The following CD244 variants were observed in gnomAD, a reference collection of about 807,000 sequenced individuals.
CD244 encodes natural killer cell receptor 2B4.
Under a neutral mutation model 45.5 loss-of-function variants are expected in CD244, and 20 were observed. The observed-to-expected ratio is 0.44, with a 90% CI of 0.31 to 0.64. CD244 has a LOEUF of 0.64. Among genes scored for constraint, CD244 ranks in the 30% least tolerant of loss-of-function variants. The pLI, the probability that CD244 is intolerant of heterozygous loss-of-function variation, is 0.08. For synonymous variants in CD244, 185 were observed against 160.5 expected, an observed-to-expected ratio of 1.15 and a Z score of -1.15; for missense variants, 407 against 426.9, an observed-to-expected ratio of 0.95 and a Z score of 0.41.
intron 1 of CD244, among the ~76,000 whole-genome samples, chr1:160,844,498 T>A (rs938094248): frequency 6.6e-6 from 1 of 152,346 alleles, no homozygotes; most frequent in South Asian, 2.1e-4. Context: ...GTCTTCATGA[T>A]GAAACGCAGC....
chr1:160,837,904 C>T (rs937981127), intron 5 of CD244, among the ~76,000 whole-genome samples: 8 of 152,212 alleles, frequency 5.3e-5, no homozygotes, highest in African/African-American at 9.6e-5. Context: ...GAAGAGCAGG[C>T]GAGAGGCTCC....
chr1:160,838,728 A>G, intron 4 of CD244: 1 of 616,962 alleles, frequency 1.6e-6, no homozygotes. Context: ...AGCTGTCTAC[A>G]GGGAAATCTG....
chr1:160,861,442 A>G (rs1309365520), intron 1 of CD244, among the ~76,000 whole-genome samples: 1 of 152,076 alleles, frequency 6.6e-6, no homozygotes, highest in African/African-American at 2.4e-5. Context: ...ACACAACACT[A>G]TGCCTCAGTT....
chr1:160,852,309 G>C (rs932124365), intron 1 of CD244, among the ~76,000 whole-genome samples: 15 of 152,250 alleles, frequency 9.9e-5, no homozygotes, highest in African/African-American at 3.4e-4. Context: ...CAGCACTTTG[G>C]GAGGCCGAGG....
Position 160,831,259 on chromosome 1 carries a change from T to C in CD244, c.*88A>G. ...CATATCCTCTCCAGACTAGGAACTGTTCTATAGAGACTCCTGTGCCGTCAT... is the reference window on the plus strand; with the variant it reads ...CATATCCTCTCCAGACTAGGAACTGCTCTATAGAGACTCCTGTGCCGTCAT... On this transcript the variant is annotated 3_prime_UTR_variant, in exon 9 of 9. Coordinates refer to ENST00000368034, the MANE Select transcript of CD244 (RefSeq NM_016382.4). 1.1e-6 allele frequency: 1 copy of C among 944,846 alleles called. No individual in the cohort carries two copies. The highest frequency in any genetic ancestry group is 1.7e-6 in the Non-Finnish European group (1 of 581,014). 58.5% of individuals were successfully genotyped at this position (944,846 alleles called of 1,614,324 possible).
intron 1 of CD244, among the ~76,000 whole-genome samples, chr1:160,844,547 A>G (rs141204272): frequency 0.01 from 1,581 of 152,300 alleles, 31 homozygotes; most frequent in Non-Finnish European, 0.013. Context: ...TAGATCTGAA[A>G]AGGCATTGCA....
rs1290913163 is a variant in CD244 at position 160,838,507 on chromosome 1, T to C, written c.778A>G (p.Lys260Glu). 1.9e-6 allele frequency: 3 copies of C among 1,612,868 alleles called. No individual in the cohort carries two copies. Among genetic ancestry groups the C allele is most frequent in the Admixed American group, 1.7e-5 (1 of 60,008 alleles). ...RKEKQSETSP[K>E]EFLTIYEDVK... ...TCTTCGTAAATTGTCAAAAATTCCTTGGGACTGGTCTCTGAGGGAGGAAGA... is the reference window on the plus strand; with the variant it reads ...TCTTCGTAAATTGTCAAAAATTCCTCGGGACTGGTCTCTGAGGGAGGAAGA... The change falls in exon 5 of 9, where the codon AAG (lysine) becomes GAG (glutamate). Residue 260 changes from lysine to glutamate, a missense_variant. Coordinates refer to ENST00000368034, the MANE Select transcript of CD244 (RefSeq NM_016382.4).
intron 1 of CD244, chr1:160,848,435 G>C (rs538867012): frequency 2.0e-5 from 11 of 550,506 alleles, no homozygotes; most frequent in Admixed American, 3.8e-5. Flanking sequence ...AGACAGCATG[G>C]AGCCCTTTGG....
At chr1:160,858,469 G>T (rs1314469022) in intron 1 of CD244, among the ~76,000 whole-genome samples, 2 of 152,172 alleles carry the variant, frequency 1.3e-5, no homozygotes, top group Non-Finnish European at 2.9e-5. Flanking sequence ...CCTCCAGCCT[G>T]TGTGTCCTTT....
chr1:160,854,836 T>TAA (rs1670051130), intron 1 of CD244, among the ~76,000 whole-genome samples: 1 of 152,182 alleles, frequency 6.6e-6, no homozygotes, highest in African/African-American at 2.4e-5. Flanking sequence ...TGTCTGCAAA[T>TAA]AAAAAGGAGC....
chr1:160,839,249 A>G (rs1185477571), intron 3 of CD244, 200 bp from the exon 4 acceptor site: 8 of 511,826 alleles, frequency 1.6e-5, no homozygotes, highest in South Asian at 2.5e-5. Flanking sequence ...GAGCATAGAT[A>G]TATCAGACAG....
intron 4 of CD244, 97 bp from the exon 5 acceptor site, chr1:160,838,615 TAAAA>T: frequency 1.1e-6 from 1 of 869,750 alleles, no homozygotes; most frequent in Non-Finnish European, 2.0e-6. Context: ...GGCCAAACCT[TAAAA>T]AAGGTTCTAG....
At chr1:160,839,666 C>A (rs55709726) in intron 3 of CD244, among the ~76,000 whole-genome samples, 9,709 of 152,250 alleles carry the variant, frequency 0.064, 919 homozygotes, top group African/African-American at 0.21. Context: ...AGGTTATATG[C>A]AAAAACTGCA....
intron 3 of CD244, 47 bp downstream of exon 3, chr1:160,841,163 G>A (rs1331812197): frequency 1.9e-6 from 3 of 1,585,476 alleles, no homozygotes; most frequent in Admixed American, 1.7e-5. Context: ...CCTGGTTGCG[G>A]GGTCCAAACC....
At chr1:160,857,740 G>A (rs977193553) in intron 1 of CD244, among the ~76,000 whole-genome samples, 1 of 152,174 alleles carries the variant, frequency 6.6e-6, no homozygotes, top group Admixed American at 6.5e-5. Context: ...CAATAAGAGA[G>A]GTTTGTCTGT....
intron 1 of CD244, among the ~76,000 whole-genome samples, chr1:160,856,329 C>A (rs1670104045): frequency 1.3e-5 from 2 of 152,190 alleles, no homozygotes; most frequent in African/African-American, 4.8e-5. Flanking sequence ...ACTCACCTAG[C>A]CCAAGTCCCA....
chr1:160,849,283 CTTT>C (rs371170555), intron 1 of CD244, among the ~76,000 whole-genome samples: 18 of 139,322 alleles, frequency 1.3e-4, no homozygotes, highest in African/African-American at 4.2e-4. Flanking sequence ...CCATCTCTTT[CTTT>C]TTTTTTTTTT....
intron 4 of CD244, 158 bp from the exon 5 acceptor site, chr1:160,838,676 A>G: frequency 1.5e-6 from 1 of 650,544 alleles, no homozygotes; most frequent in Middle Eastern, 3.9e-4. Flanking sequence ...AAGAGCACAG[A>G]GGCAGCAACC....
In CD244 at chr1:160,831,447, AC is replaced by A; in HGVS notation, c.1018-21del. The stretch of plus-strand genomic sequence containing the variant: ...TCCAATCTGCAAAAGAAAAGGAGAA[AC>A]TTCAGACCCTTGCACTGGGAGGTCC... On this transcript the variant is annotated intron_variant, in intron 8 of 8. Coordinates refer to ENST00000368034, the MANE Select transcript of CD244 (RefSeq NM_016382.4). 6.3e-7 allele frequency: 1 copy of A among 1,578,694 alleles called. No homozygotes were observed.
Sources: allele counts gnomAD v4.1 joint callset (sites outside exome capture counted in the v4.1 genomes callset), GRCh38; gene constraint gnomAD v4.1.1; transcripts MANE v1.5; gene names NCBI Gene and HGNC (gene_info 2026-07-23, HGNC 2026-07-21).